PCDH15: variants seen among roughly 807,000 people sequenced by gnomAD.
The protein encoded by PCDH15 is protocadherin related 15.
In PCDH15, 129 loss-of-function variants were observed where a neutral mutation model predicts 178.5. That is an observed-to-expected ratio of 0.72 (90% CI 0.63 to 0.84). The LOEUF is 0.84. PCDH15 is among the 40% of genes least tolerant of loss of function. The pLI is 0.00. For synonymous variants in PCDH15, 800 were observed against 732.0 expected (o/e 1.09, Z -1.50); for missense variants, 2,230 against 2,099.9 (o/e 1.06, Z -1.21).
At chr10:55,349,404 G>A (rs1844850633) in intron 2 of PCDH15, among the ~76,000 whole-genome samples, 1 of 152,108 alleles carries the variant, frequency 6.6e-6, no homozygotes, top group South Asian at 2.1e-4. Flanking sequence ...CACATTGACA[G>A]ACATCTATTC....
intron 2 of PCDH15, among the ~76,000 whole-genome samples, chr10:55,023,845 G>T: frequency 6.8e-6 from 1 of 147,090 alleles, no homozygotes; most frequent in Non-Finnish European, 1.5e-5. Flanking sequence ...ATATATATAT[G>T]CCTATATATA....
chr10:54,286,230 T>C (rs186026823), intron 8 of PCDH15, among the ~76,000 whole-genome samples: 1 of 152,198 alleles, frequency 6.6e-6, no homozygotes, highest in Non-Finnish European at 1.5e-5. Context: ...AAATGATAAC[T>C]GTGTGAGATG....
At chr10:55,371,213 G>A (rs1319306802) in intron 2 of PCDH15, among the ~76,000 whole-genome samples, 1 of 152,026 alleles carries the variant, frequency 6.6e-6, no homozygotes, top group South Asian at 2.1e-4. Flanking sequence ...GTTAATTATA[G>A]GGAGACTACT....
At chr10:54,988,385 G>C (rs145682849) in intron 2 of PCDH15, among the ~76,000 whole-genome samples, 1 of 152,296 alleles carries the variant, frequency 6.6e-6, no homozygotes, top group African/African-American at 2.4e-5. Context: ...AACAAGCAGG[G>C]ATTGGAACAG....
chr10:54,497,759 A>G (rs1359374611), intron 3 of PCDH15, among the ~76,000 whole-genome samples: 1 of 152,150 alleles, frequency 6.6e-6, no homozygotes, highest in Non-Finnish European at 1.5e-5. Flanking sequence ...AAATAAAGAA[A>G]AAATAATTAA....
At chr10:55,509,040 T>C (rs1840822212) in intron 2 of PCDH15, among the ~76,000 whole-genome samples, 1 of 151,784 alleles carries the variant, frequency 6.6e-6, no homozygotes, top group African/African-American at 2.4e-5. Context: ...TACTATTGTG[T>C]TAGTAACCTT....
At chr10:55,486,601 T>C (rs1042968682) in intron 2 of PCDH15, among the ~76,000 whole-genome samples, 5 of 151,656 alleles carry the variant, frequency 3.3e-5, no homozygotes, top group African/African-American at 4.8e-5. Context: ...TTGATTCCTT[T>C]CATTCCAGAA....
chr10:55,345,074 C>T (rs1844711449), intron 2 of PCDH15, among the ~76,000 whole-genome samples: 1 of 151,734 alleles, frequency 6.6e-6, no homozygotes. Flanking sequence ...TACTATATCT[C>T]TATATCTCTC....
intron 7 of PCDH15, among the ~76,000 whole-genome samples, chr10:54,323,917 T>G (rs1382186333): frequency 6.6e-6 from 1 of 152,158 alleles, no homozygotes; most frequent in East Asian, 1.9e-4. Flanking sequence ...TTGAGATATT[T>G]GCCTAATATT....
At position 54,484,657 on chromosome 10, in the gene PCDH15, AAGG is replaced by A. The variant is rs537165005; in HGVS notation, c.157+43152_157+43154del. On this transcript the variant is annotated intron_variant, in intron 3 of 37. Coordinates refer to ENST00000644397, the MANE Select transcript of PCDH15 (RefSeq NM_001384140.1). ...TAAAATCGATCCCCGCTCATCAGAGAAGGAGGAGAGGGTTATTTTTAATCTTGG... is the reference window on the plus strand; with the variant it reads ...TAAAATCGATCCCCGCTCATCAGAGAAGGAGAGGGTTATTTTTAATCTTGG... Among the ~76,000 whole-genome samples the A allele has an allele frequency of 3.4e-3, 517 of 152,034 alleles. 4 individuals are homozygous for A. Among genetic ancestry groups the A allele is most frequent in the South Asian group, 0.032 (153 of 4,824 alleles).
At chr10:55,618,374 C>T (rs947017553) in intron 2 of PCDH15, among the ~76,000 whole-genome samples, 14 of 151,958 alleles carry the variant, frequency 9.2e-5, no homozygotes, top group Admixed American at 3.9e-4. Context: ...ACTGAACATT[C>T]CTAGGAGTGT....
intron 1 of PCDH15, among the ~76,000 whole-genome samples, chr10:55,278,922 A>G (rs1172997134): frequency 6.6e-6 from 1 of 152,206 alleles, no homozygotes. Flanking sequence ...CCCACACTCT[A>G]AAACAGGCTG....
chr10:54,199,671 A>G (rs898070298), intron 10 of PCDH15, among the ~76,000 whole-genome samples: 3 of 151,698 alleles, frequency 2.0e-5, no homozygotes, highest in African/African-American at 7.3e-5. Flanking sequence ...AATATAAATA[A>G]GGGTTCTCAA....
chr10:54,421,184 A>T (rs2135816417), intron 3 of PCDH15, among the ~76,000 whole-genome samples: 1 of 152,204 alleles, frequency 6.6e-6, no homozygotes, highest in African/African-American at 2.4e-5. Context: ...AAAACAAAAC[A>T]AAATTGTCCC....
intron 1 of PCDH15, among the ~76,000 whole-genome samples, chr10:55,203,234 C>T (rs956211359): frequency 6.6e-6 from 1 of 152,018 alleles, no homozygotes; most frequent in Non-Finnish European, 1.5e-5. Flanking sequence ...TTTTACACTT[C>T]TAATTCCATA....
At chr10:54,618,209 T>C (rs893776653) in intron 2 of PCDH15, among the ~76,000 whole-genome samples, 1 of 152,122 alleles carries the variant, frequency 6.6e-6, no homozygotes, top group African/African-American at 2.4e-5. Flanking sequence ...GAGGTTCAAA[T>C]GCACCTATTA....
chr10:55,379,075 T>A (rs1379306190), intron 2 of PCDH15, among the ~76,000 whole-genome samples: 2 of 152,002 alleles, frequency 1.3e-5, no homozygotes, highest in African/African-American at 2.4e-5. Flanking sequence ...AACAAACTTG[T>A]AATGAACATC....
intron 2 of PCDH15, among the ~76,000 whole-genome samples, chr10:55,143,722 A>G (rs188207798): frequency 6.6e-6 from 1 of 152,206 alleles, no homozygotes; most frequent in Non-Finnish European, 1.5e-5. Context: ...GAGTCCCCTG[A>G]CTTGAATTAA....
At chr10:54,593,881 T>C (rs1237516679) in intron 2 of PCDH15, among the ~76,000 whole-genome samples, 1 of 151,906 alleles carries the variant, frequency 6.6e-6, no homozygotes, top group Non-Finnish European at 1.5e-5. Context: ...TCCTCCAAGA[T>C]GGCCAACTAG....
Sources: allele counts gnomAD v4.1 joint callset (sites outside exome capture counted in the v4.1 genomes callset), GRCh38; gene constraint gnomAD v4.1.1; transcripts MANE v1.5; gene names NCBI Gene and HGNC (gene_info 2026-07-23, HGNC 2026-07-21).